The following KDM1B variants were observed in gnomAD, a reference collection of about 807,000 sequenced individuals.
KDM1B encodes lysine demethylase 1B.
In KDM1B, 63 loss-of-function variants were observed where a neutral mutation model predicts 107.4. The observed-to-expected ratio is 0.59, with a 90% CI of 0.48 to 0.72. The LOEUF (loss-of-function observed/expected upper bound fraction) is 0.72, where lower values mean the gene tolerates loss of function less well. Among genes scored for constraint, KDM1B ranks in the 30% least tolerant of loss-of-function variants. The probability of loss-of-function intolerance (pLI) is 0.00; values close to 1 mark genes in which losing one functional copy is unlikely to be tolerated. For synonymous variants in KDM1B, 363 were observed against 363.9 expected (o/e 1.00, Z 0.03); for missense variants, 749 against 1,020.8 (o/e 0.73, Z 3.63).
In KDM1B at chr6:18,197,234, G is replaced by A; in HGVS notation, c.1146+1G>A. On this transcript the variant is annotated splice_donor_variant, in intron 11 of 21. Transcript: ENST00000650836. LOFTEE classifies it high-confidence loss of function. This position sits in a 1 kb window ranked among gnomAD's most constrained non-coding sequence, Gnocchi z 4.5. Reference sequence around the variant, plus strand: ...TCTTCTCCCTAAGGACTACCACAATGTAGGTGATTATAGCTTTAGCGATAG... The same window carrying A: ...TCTTCTCCCTAAGGACTACCACAATATAGGTGATTATAGCTTTAGCGATAG... 6.2e-7 allele frequency: 1 copy of A among 1,612,252 alleles called. No individual in the cohort carries two copies. Among genetic ancestry groups the A allele is most frequent in the Non-Finnish European group, 8.5e-7 (1 of 1,178,842 alleles).
Position 18,159,220 on chromosome 6 carries a change from C to T in KDM1B, c.-13-663C>T, listed in dbSNP as rs1784819543. Among the ~76,000 whole-genome samples the T allele has an allele frequency of 6.6e-6, 1 of 152,092 alleles. No homozygotes were observed. The highest frequency in any genetic ancestry group is 1.5e-5 in the Non-Finnish European group (1 of 68,018). On this transcript the variant is annotated intron_variant, in intron 2 of 21. Transcript: ENST00000650836. This position sits in a 1 kb window ranked among gnomAD's most constrained non-coding sequence, Gnocchi z 4.5. ...TGACCTCATGATCCGCCTGCCTGGGCCTTGCAAAGTGCTGGGATTACAAGC... is the reference window on the plus strand; with the variant it reads ...TGACCTCATGATCCGCCTGCCTGGGTCTTGCAAAGTGCTGGGATTACAAGC...
intron 17 of KDM1B, among the ~76,000 whole-genome samples, chr6:18,210,761 G>A (rs1788804002): frequency 6.6e-6 from 1 of 152,178 alleles, no homozygotes; most frequent in Non-Finnish European, 1.5e-5. Flanking sequence ...CACTTCGGGA[G>A]GCTGAGGCGA....
rs186612645 is a variant in KDM1B, at chr6:18,223,498, G to A, written c.*1506G>A. 4.4e-4 allele frequency: 67 copies of A among 152,216 alleles called. No individual in the cohort carries two copies. Among genetic ancestry groups the A allele is most frequent in the African/African-American group, 1.6e-3 (66 of 41,554 alleles). 9.4% of individuals were successfully genotyped at this position (152,216 alleles called of 1,614,324 possible). A position where few individuals can be genotyped will look rare whatever the true frequency, so the allele number is the denominator to read the frequency against. On this transcript the variant is annotated 3_prime_UTR_variant, in exon 22 of 22. Transcript: ENST00000650836. The stretch of plus-strand genomic sequence containing the variant: ...GCTTTAAAGTATCATGTATTAAAAT[G>A]TTTAGACAGCATGTGTTTTAAAGTG...
Position 18,159,810 on chromosome 6 carries a change from A to G in KDM1B, c.-13-73A>G, listed in dbSNP as rs1784851883. On this transcript the variant is annotated intron_variant, in intron 2 of 21. Transcript: ENST00000650836. This position sits in a 1 kb window ranked among gnomAD's most constrained non-coding sequence, Gnocchi z 4.5. Reference sequence around the variant, plus strand: ...CATACATTCTTACCTACCAAAGTGTATAATAACTTGCTCCAGACTGTTAAA... The same window carrying G: ...CATACATTCTTACCTACCAAAGTGTGTAATAACTTGCTCCAGACTGTTAAA... 7.9e-6 allele frequency: 6 copies of G among 757,668 alleles called. No individual in the cohort carries two copies. Among genetic ancestry groups the G allele is most frequent in the East Asian group, 2.6e-5 (1 of 38,676 alleles). 46.9% of individuals were successfully genotyped at this position (757,668 alleles called of 1,614,324 possible). A position where few individuals can be genotyped will look rare whatever the true frequency, so the allele number is the denominator to read the frequency against.
intron 20 of KDM1B, among the ~76,000 whole-genome samples, chr6:18,216,324 G>A (rs556647763): frequency 9.9e-5 from 15 of 152,246 alleles, no homozygotes; most frequent in Non-Finnish European, 1.3e-4. Flanking sequence ...CAAGTGATCC[G>A]CCTACCTCGG....
At chr6:18,193,715 G>A (rs558013240) in intron 10 of KDM1B, among the ~76,000 whole-genome samples, 3 of 152,096 alleles carry the variant, frequency 2.0e-5, no homozygotes, top group South Asian at 4.2e-4. Flanking sequence ...GGTGGAGCTG[G>A]GGGGTTGGTG....
intron 6 of KDM1B, among the ~76,000 whole-genome samples, chr6:18,167,248 T>C (rs917797994): frequency 6.6e-6 from 1 of 151,530 alleles, no homozygotes; most frequent in African/African-American, 2.4e-5. Context: ...TCCCAGCTAC[T>C]TGGGAGGCTG....
At position 18,205,183 on chromosome 6, in the gene KDM1B, A is replaced by G. The variant is rs1185221546; in HGVS notation, c.1532-354A>G. On this transcript the variant is annotated intron_variant, in intron 14 of 21. Coordinates refer to ENST00000650836, the MANE Select transcript of KDM1B (RefSeq NM_001364614.2). The surrounding 1 kb of genome is among the most constrained non-coding windows in gnomAD (Gnocchi z 5.7). ...GTAACTTCTGTGTGTGTGCATGTAC[A>G]TCTATGTGTGGGGACAGTTTTTCTG... Among the ~76,000 whole-genome samples the G allele has an allele frequency of 6.6e-6, 1 of 152,166 alleles. No homozygotes were observed. Among genetic ancestry groups the G allele is most frequent in the Non-Finnish European group, 1.5e-5 (1 of 68,030 alleles).
rs1416578980 is a variant in KDM1B at position 18,159,988 on chromosome 6, G to T, written c.87+6G>T. On this transcript the variant is annotated splice_donor_region_variant and intron_variant, in intron 3 of 21. Coordinates refer to ENST00000650836, the MANE Select transcript of KDM1B (RefSeq NM_001364614.2). This position sits in a 1 kb window ranked among gnomAD's most constrained non-coding sequence, Gnocchi z 4.5. ...TGAGGAGCTCCGGTAGGCAGGTAGT[G>T]TTCATTTATTCATTCAACAAGCCTT... 5 of 1,576,114 alleles carry T rather than the reference G, an allele frequency of 3.2e-6. No individual in the cohort carries two copies. The highest frequency in any genetic ancestry group is 4.3e-6 in the Non-Finnish European group (5 of 1,159,060).
At chr6:18,161,102 T>A (rs1345329178) in intron 3 of KDM1B, among the ~76,000 whole-genome samples, 1 of 152,146 alleles carries the variant, frequency 6.6e-6, no homozygotes, top group Non-Finnish European at 1.5e-5. Context: ...AGTTCTTTGC[T>A]TAGACATCTG....
chr6:18,207,123 T>C (rs1788429114), intron 15 of KDM1B, among the ~76,000 whole-genome samples: 1 of 152,226 alleles, frequency 6.6e-6, no homozygotes, highest in Non-Finnish European at 1.5e-5. Context: ...GAATTCTACT[T>C]TGCCAGAGTT....
At chr6:18,216,745 T>A (rs1475277753) in intron 20 of KDM1B, among the ~76,000 whole-genome samples, 1 of 152,254 alleles carries the variant, frequency 6.6e-6, no homozygotes. Flanking sequence ...ATCTCTGTTA[T>A]CAGAGCCATG....
In KDM1B at chr6:18,186,061, C is replaced by T. The variant is rs532129543; in HGVS notation, c.573+251C>T. On this transcript the variant is annotated intron_variant, in intron 8 of 21. Transcript: ENST00000650836. The surrounding 1 kb of genome is among the most constrained non-coding windows in gnomAD (Gnocchi z 5.6). Reference sequence around the variant, plus strand: ...TTAAAAGGAAACAAAGAGGAAGACACAGCTCTCCTGCCTTGCTCTAGGGCT... The same window carrying T: ...TTAAAAGGAAACAAAGAGGAAGACATAGCTCTCCTGCCTTGCTCTAGGGCT... Among the ~76,000 whole-genome samples the T allele has an allele frequency of 6.6e-6, 1 of 152,206 alleles. No homozygotes were observed. Among genetic ancestry groups the T allele is most frequent in the Non-Finnish European group, 1.5e-5 (1 of 68,040 alleles).
intron 7 of KDM1B, among the ~76,000 whole-genome samples, chr6:18,184,553 G>C (rs1055812676): frequency 9.9e-5 from 15 of 151,826 alleles, no homozygotes; most frequent in African/African-American, 3.1e-4. Flanking sequence ...GGGATTACAG[G>C]TGTGAGCCAC....
chr6:18,200,384 T>G lies in KDM1B; in HGVS notation c.1222-55T>G. 1.3e-6 allele frequency: 2 copies of G among 1,529,232 alleles called. No individual in the cohort carries two copies. 94.7% of individuals were successfully genotyped at this position (1,529,232 alleles called of 1,614,324 possible). On this transcript the variant is annotated intron_variant, in intron 12 of 21. Transcript: ENST00000650836. The surrounding 1 kb of genome is among the most constrained non-coding windows in gnomAD (Gnocchi z 4.3). Reference sequence around the variant, plus strand: ...GTCCTTCTACATTTTTATAATACTGTGTCTGATATAACTCTTGTGTCCTAT... The same window carrying G: ...GTCCTTCTACATTTTTATAATACTGGGTCTGATATAACTCTTGTGTCCTAT...
rs771123089 is a variant in KDM1B, at chr6:18,162,815, A to G, written c.216-20A>G. ...AATGTTTATTCATTACCAAAGCTATATGTTTTTCACTATTTTCAGATGTGC... is the reference window on the plus strand; with the variant it reads ...AATGTTTATTCATTACCAAAGCTATGTGTTTTTCACTATTTTCAGATGTGC... On this transcript the variant is annotated intron_variant, in intron 4 of 21. Coordinates refer to ENST00000650836, the MANE Select transcript of KDM1B (RefSeq NM_001364614.2). This position sits in a 1 kb window ranked among gnomAD's most constrained non-coding sequence, Gnocchi z 4.1. The G allele has an allele frequency of 3.7e-6, 5 of 1,360,136 alleles. No individual in the cohort carries two copies. The highest frequency in any genetic ancestry group is 5.3e-6 in the Non-Finnish European group (5 of 948,750). The allele number at this position is 1,360,136 out of a possible 1,614,324, so 84.3% of individuals were successfully genotyped here.
At chr6:18,157,652 G>C (rs1784708603) in intron 2 of KDM1B, among the ~76,000 whole-genome samples, 1 of 150,748 alleles carries the variant, frequency 6.6e-6, no homozygotes, top group Non-Finnish European at 1.5e-5. Context: ...AATAATGTCA[G>C]GTATATTTTA....
rs761823565 is a variant in KDM1B at position 18,171,347 on chromosome 6, G to C, written c.418-16G>C. On this transcript the variant is annotated splice_polypyrimidine_tract_variant and intron_variant, in intron 6 of 21. Transcript: ENST00000650836. ...TTAGCTCACTTGTTCATCTTGACTTGATACTTCCCATCTAGGTTCAGTGTA... is the reference window on the plus strand; with the variant it reads ...TTAGCTCACTTGTTCATCTTGACTTCATACTTCCCATCTAGGTTCAGTGTA... The C allele has an allele frequency of 6.2e-6, 8 of 1,292,854 alleles. No individual in the cohort carries two copies. The highest frequency in any genetic ancestry group is 4.4e-5 in the African/African-American group (3 of 68,816). The allele number at this position is 1,292,854 out of a possible 1,614,324, so 80.1% of individuals were successfully genotyped here.
In KDM1B at chr6:18,195,596, T is replaced by C. The variant is rs745485171; in HGVS notation, c.970-1461T>C. Among the ~76,000 whole-genome samples the C allele has an allele frequency of 5.2e-4, 78 of 151,360 alleles. 1 individual carries two copies. The highest frequency in any genetic ancestry group is 1.6e-4 in the Non-Finnish European group (11 of 67,832). On this transcript the variant is annotated intron_variant, in intron 10 of 21. Transcript: ENST00000650836. ...TAAAAATACAAAAAATTAGCCGGGC[T>C]TGGTGGTAGGCGCCTGTAGTCCCAG...
Sources: allele counts gnomAD v4.1 joint callset (sites outside exome capture counted in the v4.1 genomes callset), GRCh38; gene constraint gnomAD v4.1.1; non-coding constraint Gnocchi (gnomAD v3.1); transcripts MANE v1.5; gene names NCBI Gene and HGNC (gene_info 2026-07-23, HGNC 2026-07-21).